Variants in ENPEP observed in about 807,000 individuals in gnomAD.
The protein encoded by ENPEP is glutamyl aminopeptidase, also known as AP-A.
A neutral mutation model predicts 114.5 loss-of-function variants in ENPEP; 103 were observed. The observed-to-expected ratio is 0.90, with a 90% CI of 0.77 to 1.06. ENPEP has a LOEUF of 1.06. Ranked by LOEUF, ENPEP falls within the 50% of genes least tolerant of loss-of-function variation. The pLI is 0.00. For missense variants in ENPEP, 1,196 were observed against 1,161.3 expected (o/e 1.03, Z -0.43); for synonymous variants, 420 against 422.0 (o/e 1.00, Z 0.06).
At chr4:110,518,829 C>G (rs957106793) in intron 8 of ENPEP, among the ~76,000 whole-genome samples, 1 of 152,108 alleles carries the variant, frequency 6.6e-6, no homozygotes, top group Admixed American at 6.6e-5. Flanking sequence ...TGGTTCTAAG[C>G]TCAAGACCTT....
chr4:110,558,376 C>A (rs1165105216), intron 18 of ENPEP, among the ~76,000 whole-genome samples: 2 of 151,302 alleles, frequency 1.3e-5, no homozygotes, highest in Non-Finnish European at 2.9e-5. Context: ...CAGCCTCGAC[C>A]TCCCCAGTTC....
intron 10 of ENPEP, among the ~76,000 whole-genome samples, chr4:110,527,137 T>C (rs1240553222): frequency 6.6e-6 from 1 of 152,098 alleles, no homozygotes; most frequent in East Asian, 1.9e-4. Context: ...TTCCAAAAAT[T>C]AAAATTGCCG....
At chr4:110,546,230 G>A (rs1420863684) in intron 13 of ENPEP, among the ~76,000 whole-genome samples, 2 of 151,886 alleles carry the variant, frequency 1.3e-5, no homozygotes, top group East Asian at 3.9e-4. Context: ...CCTGCTTTGG[G>A]GTCCTGCGTC....
rs147278588 is a variant in ENPEP at position 110,476,440 on chromosome 4, C to G, written c.26C>G (p.Ser9Cys). 5.4e-5 allele frequency: 83 copies of G among 1,536,384 alleles called. No homozygotes were observed. Among genetic ancestry groups the G allele is most frequent in the Non-Finnish European group, 6.9e-5 (79 of 1,139,994 alleles). Residue 9 changes from serine (S) to cysteine (C), a missense_variant, in exon 1 of 20, where the codon TCT becomes TGT. Coordinates refer to ENST00000265162, the MANE Select transcript of ENPEP (RefSeq NM_001977.4). MNFAEREG[S>C]KRYCIQTKHV... ...ATGAACTTTGCGGAGAGAGAGGGCT[C>G]TAAGAGATACTGCATTCAAACGAAA...
At chr4:110,556,779 A>G (rs1033378042) in intron 18 of ENPEP, among the ~76,000 whole-genome samples, 3 of 152,076 alleles carry the variant, frequency 2.0e-5, no homozygotes, top group African/African-American at 7.2e-5. Context: ...TGTTATTTTT[A>G]TGTATCTTTG....
chr4:110,477,014 C>T lies in ENPEP; in HGVS notation c.600C>T (p.Leu200=), dbSNP rs111608947. ...TCGCCGGCTGGCTGAACGGCTCCCT[C>T]GTGGGATTTTATAGAACCACCTACA... The part of the protein sequence containing the change: ...MEFAGWLNGS[L]VGFYRTTYTE... Residue 200 remains leucine (L), a synonymous_variant, in exon 1 of 20, where the codon CTC becomes CTT. Coordinates refer to ENST00000265162, the MANE Select transcript of ENPEP (RefSeq NM_001977.4). 4 of 1,614,160 alleles carry T rather than the reference C, an allele frequency of 2.5e-6. No homozygotes were observed. The highest frequency in any genetic ancestry group is 1.1e-5 in the South Asian group (1 of 91,080).
In ENPEP at chr4:110,476,428, A is replaced by T. The variant is rs1247651130; in HGVS notation, c.14A>T (p.Glu5Val). 3.3e-6 allele frequency: 5 copies of T among 1,515,158 alleles called. No individual in the cohort carries two copies. The African/African-American group carries it at 7.0e-5, about 21-fold the overall frequency. 93.9% of individuals were successfully genotyped at this position (1,515,158 alleles called of 1,614,324 possible). The stretch of plus-strand genomic sequence containing the variant: ...TTGGAAGCAAAAATGAACTTTGCGG[A>T]GAGAGAGGGCTCTAAGAGATACTGC... MNFA[E>V]REGSKRYCIQ... The change falls in exon 1 of 20, where the codon GAG becomes GTG. Residue 5 changes from glutamate (E) to valine (V), a missense_variant. By Grantham distance (121) the Glu-to-Val change is moderately radical (BLOSUM62 -2). Coordinates refer to ENST00000265162, the MANE Select transcript of ENPEP (RefSeq NM_001977.4).
intron 2 of ENPEP, among the ~76,000 whole-genome samples, chr4:110,489,350 A>G (rs1165081039): frequency 6.6e-6 from 1 of 152,148 alleles, no homozygotes; most frequent in Admixed American, 6.5e-5. Flanking sequence ...GTAAGTGGAA[A>G]TTGAACAACA....
chr4:110,484,867 C>T (rs116597713), intron 1 of ENPEP, among the ~76,000 whole-genome samples: 78 of 151,070 alleles, frequency 5.2e-4, no homozygotes, highest in African/African-American at 1.9e-3. Flanking sequence ...AGTGTAATTC[C>T]ACTTCCTCCT....
At position 110,513,565 on chromosome 4, in the gene ENPEP, C is replaced by T. The variant is rs546695495; in HGVS notation, c.1443+16C>T. On this transcript the variant is annotated intron_variant, in intron 7 of 19. Coordinates refer to ENST00000265162, the MANE Select transcript of ENPEP (RefSeq NM_001977.4). ...CTATAGCAAGGTGGGAGAAATAGAA[C>T]ATTGTTTTGAACATCTTCCTGTTTA... 3.1e-6 allele frequency: 5 copies of T among 1,610,210 alleles called. No homozygotes were observed. Among genetic ancestry groups the T allele is most frequent in the East Asian group, 2.2e-5 (1 of 44,688 alleles).
chr4:110,558,238 A>G (rs1455949887), intron 18 of ENPEP, among the ~76,000 whole-genome samples: 6 of 146,274 alleles, frequency 4.1e-5, no homozygotes, highest in Admixed American at 1.4e-4. Flanking sequence ...GCATATATAT[A>G]TAGGAATGGA....
intron 10 of ENPEP, among the ~76,000 whole-genome samples, chr4:110,525,930 A>G (rs915810577): frequency 6.6e-6 from 1 of 152,038 alleles, no homozygotes; most frequent in African/African-American, 2.4e-5. Flanking sequence ...CAGGGATGTG[A>G]TATTTAAGGT....
intron 1 of ENPEP, among the ~76,000 whole-genome samples, chr4:110,487,074 A>T (rs1724533654): frequency 6.6e-6 from 1 of 152,084 alleles, no homozygotes; most frequent in Non-Finnish European, 1.5e-5. Flanking sequence ...GTGTCAGCTG[A>T]TCCATCAAGT....
At chr4:110,550,715 A>G (rs1475678476) in intron 17 of ENPEP, among the ~76,000 whole-genome samples, 1 of 152,114 alleles carries the variant, frequency 6.6e-6, no homozygotes, top group Non-Finnish European at 1.5e-5. Flanking sequence ...TTCTATGTAT[A>G]GATATATAGA....
At chr4:110,539,679 C>T (rs778329178) in intron 11 of ENPEP, among the ~76,000 whole-genome samples, 2 of 152,026 alleles carry the variant, frequency 1.3e-5, no homozygotes, top group South Asian at 2.1e-4. Flanking sequence ...TGTGAGTCAC[C>T]GTGCCCGGCC....
chr4:110,519,787 T>C (rs888379137), intron 8 of ENPEP, among the ~76,000 whole-genome samples: 11 of 152,158 alleles, frequency 7.2e-5, no homozygotes, highest in African/African-American at 2.7e-4. Flanking sequence ...CATTATTAAA[T>C]AGTTGAAAAA....
intron 13 of ENPEP, among the ~76,000 whole-genome samples, chr4:110,544,272 A>G (rs780112858): frequency 1.4e-4 from 21 of 152,066 alleles, no homozygotes; most frequent in Non-Finnish European, 2.6e-4. Flanking sequence ...AATAAATGAG[A>G]TAATGGACAT....
chr4:110,480,663 A>C (rs1207325967), intron 1 of ENPEP, among the ~76,000 whole-genome samples: 1 of 152,228 alleles, frequency 6.6e-6, no homozygotes, highest in East Asian at 1.9e-4. Context: ...CTGCAAATAC[A>C]ATCAGGACTT....
chr4:110,509,420 C>T (rs746865337), intron 4 of ENPEP, among the ~76,000 whole-genome samples: 31 of 152,158 alleles, frequency 2.0e-4, no homozygotes, highest in Non-Finnish European at 2.5e-4. Context: ...CCATTAGTGT[C>T]CTTCTTTAAA....
Sources: allele counts gnomAD v4.1 joint callset (sites outside exome capture counted in the v4.1 genomes callset), GRCh38; gene constraint gnomAD v4.1.1; transcripts MANE v1.5; gene names NCBI Gene and HGNC (gene_info 2026-07-23, HGNC 2026-07-21).